CCT4: variants seen among roughly 807,000 people sequenced by gnomAD.
The protein encoded by CCT4 is T-complex protein 1 subunit delta.
CCT4 carries 17 observed loss-of-function variants against 62.5 expected under a neutral mutation model. The ratio of observed to expected loss-of-function variants is 0.27; its 90% CI spans 0.19 to 0.41. The LOEUF (loss-of-function observed/expected upper bound fraction) is 0.41, where lower values mean the gene tolerates loss of function less well. CCT4 is among the 10% of genes least tolerant of loss of function. CCT4 has a pLI of 1.00. For missense variants in CCT4, 592 were observed against 659.2 expected, an observed-to-expected ratio of 0.90 and a Z score of 1.12; for synonymous variants, 250 against 229.9, an observed-to-expected ratio of 1.09 and a Z score of -0.79.
At chr2:61,873,333 A>G in intron 8 of CCT4, 40 bp from the exon 9 acceptor site, 1 of 1,133,450 alleles carries the variant, frequency 8.8e-7, no homozygotes, top group Non-Finnish European at 1.3e-6. Flanking sequence ...TGCTAGATTA[A>G]AAAAATTTTG....
At chr2:61,883,773 G>GACACACACAC (rs59031193) in intron 2 of CCT4, among the ~76,000 whole-genome samples, 134 of 143,932 alleles carry the variant, frequency 9.3e-4, no homozygotes, top group Middle Eastern at 3.4e-3. Flanking sequence ...AAGAAATGTA[G>GACACACACAC]ACACACACAC....
At position 61,868,243 on chromosome 2, in the gene CCT4, AT is replaced by A. The variant is rs2105121659; in HGVS notation, c.*448del. On this transcript the variant is annotated 3_prime_UTR_variant, in exon 14 of 14. Transcript: ENST00000394440. ...TCATTTTTCATTCTCTTTCTGTACC[AT>A]TAACTTATTTTTGTTTTAACTGGGC... is the stretch of plus-strand genomic sequence containing the variant. 1 of 158,144 alleles carries A rather than the reference AT, an allele frequency of 6.3e-6. No homozygotes were observed. Among genetic ancestry groups the A allele is most frequent in the East Asian group, 1.8e-4 (1 of 5,526 alleles). 9.8% of individuals were successfully genotyped at this position (158,144 alleles called of 1,614,324 possible). A position where few individuals can be genotyped will look rare whatever the true frequency, so the allele number is the denominator to read the frequency against.
intron 4 of CCT4, 50 bp from the exon 5 acceptor site, chr2:61,879,061 A>G: frequency 7.1e-7 from 1 of 1,406,600 alleles, no homozygotes; most frequent in Non-Finnish European, 9.7e-7. Context: ...TAAACTACAC[A>G]TTTGACATGG....
chr2:61,873,369 A>C, intron 8 of CCT4, 76 bp from the exon 9 acceptor site: 1 of 680,008 alleles, frequency 1.5e-6, no homozygotes, highest in Non-Finnish European at 2.6e-6. Context: ...TAAGGTTTTA[A>C]TTACTGTTTC....
rs781596389 is a variant in CCT4 at position 61,877,395 on chromosome 2, A to G, written c.642T>C (p.Leu214=). The change falls in exon 6 of 14, where the codon CTT becomes CTC. Residue 214 remains leucine, a splice_region_variant and synonymous_variant. Transcript: ENST00000394440. ...AAGTTGTAATTAGAGATGCTTACCC[A>G]AGCTTCTTAACTATTTTAATATCTC... The part of the protein sequence containing the change: ...DLRDIKIVKK[L]GGTIDDCELV... The G allele has an allele frequency of 6.2e-7, 1 of 1,602,480 alleles. No homozygotes were observed. Among genetic ancestry groups the G allele is most frequent in the South Asian group, 1.1e-5 (1 of 87,672 alleles).
At chr2:61,873,444 T>C (rs1206780854) in intron 8 of CCT4, 151 bp from the exon 9 acceptor site, 1 of 574,802 alleles carries the variant, frequency 1.7e-6, no homozygotes, top group African/African-American at 1.9e-5. Context: ...AAGGTCAAAA[T>C]TAAGATTTCC....
chr2:61,881,414 G>A (rs550981038), intron 3 of CCT4, among the ~76,000 whole-genome samples: 9 of 152,010 alleles, frequency 5.9e-5, no homozygotes, highest in Non-Finnish European at 8.8e-5. Flanking sequence ...GAGCCACTGC[G>A]ACCAGACTGA....
At chr2:61,869,591 G>C (rs774125301) in intron 12 of CCT4, 38 bp from the exon 13 acceptor site, 2 of 1,128,382 alleles carry the variant, frequency 1.8e-6, no homozygotes, top group Non-Finnish European at 1.4e-6. Context: ...TTTAGTGTCT[G>C]TGATAATACA....
intron 3 of CCT4, among the ~76,000 whole-genome samples, chr2:61,881,538 G>A (rs1345227561): frequency 6.6e-6 from 1 of 151,542 alleles, no homozygotes; most frequent in Non-Finnish European, 1.5e-5. Context: ...AATAGTATGT[G>A]GTAATTATAC....
chr2:61,888,545 C>T lies in CCT4; in HGVS notation c.-38G>A, dbSNP rs750142476. On this transcript the variant is annotated 5_prime_UTR_variant, in exon 1 of 14. Transcript: ENST00000394440. Reference sequence around the variant, plus strand: ...TGTGTCTGGGTTGGCTCGGGAAGGACGGATGGACCCGGATTCTGGCCGGCC... The same window carrying T: ...TGTGTCTGGGTTGGCTCGGGAAGGATGGATGGACCCGGATTCTGGCCGGCC... 1.3e-6 allele frequency: 2 copies of T among 1,593,680 alleles called. No individual in the cohort carries two copies. Among genetic ancestry groups the T allele is most frequent in the Admixed American group, 1.7e-5 (1 of 58,388 alleles).
chr2:61,879,115 CTA>C, intron 4 of CCT4, 104 bp from the exon 5 acceptor site: 1 of 775,562 alleles, frequency 1.3e-6, no homozygotes, highest in Non-Finnish European at 2.1e-6. Flanking sequence ...ACAAATTTAA[CTA>C]TTCTTAATTA....
chr2:61,875,293 T>C (rs1668974365), intron 8 of CCT4, among the ~76,000 whole-genome samples: 1 of 150,866 alleles, frequency 6.6e-6, no homozygotes, highest in African/African-American at 2.4e-5. Context: ...AAATTGCTCT[T>C]AGAGGCTGGG....
At chr2:61,880,455 A>G in intron 3 of CCT4, 61 bp from the exon 4 acceptor site, 1 of 838,810 alleles carries the variant, frequency 1.2e-6, no homozygotes, top group African/African-American at 1.7e-5. Context: ...GTAACACCTA[A>G]TTCAAATAAT....
At chr2:61,887,343 T>C (rs1301330440) in intron 1 of CCT4, among the ~76,000 whole-genome samples, 1 of 152,134 alleles carries the variant, frequency 6.6e-6, no homozygotes, top group Non-Finnish European at 1.5e-5. Context: ...TACGTGGGTC[T>C]TTATATGCTT....
chr2:61,870,517 C>A (rs1047582598), intron 12 of CCT4, among the ~76,000 whole-genome samples: 3 of 151,430 alleles, frequency 2.0e-5, no homozygotes, highest in African/African-American at 7.3e-5. Flanking sequence ...TTAAAAAAAT[C>A]TCATCCTACT....
intron 3 of CCT4, 37 bp downstream of exon 3, chr2:61,883,422 A>G (rs747007206): frequency 1.4e-5 from 14 of 1,029,232 alleles, no homozygotes; most frequent in Middle Eastern, 3.1e-4. Flanking sequence ...GTCTCAAAAA[A>G]AAAAAAAAAA....
In CCT4 at chr2:61,872,104, G is replaced by A; in HGVS notation, c.1469C>T (p.Thr490Ile). ...LRNRHAQGEK[T>I]AGINVRKGGI... ...TACCTTTCGGACATTAATGCCTGCAGTTTTTTCTCCCTGGGCATGCCGGTT... is the reference window on the plus strand; with the variant it reads ...TACCTTTCGGACATTAATGCCTGCAATTTTTTCTCCCTGGGCATGCCGGTT... The change falls in exon 12 of 14, where the codon ACT becomes ATT. Residue 490 changes from threonine (T) to isoleucine (I), a missense_variant. Coordinates refer to ENST00000394440, the MANE Select transcript of CCT4 (RefSeq NM_006430.4). The A allele has an allele frequency of 6.2e-7, 1 of 1,612,848 alleles. No individual in the cohort carries two copies. The highest frequency in any genetic ancestry group is 1.3e-5 in the African/African-American group (1 of 75,020).
At chr2:61,879,156 GGCTT>G (rs1414772822) in intron 4 of CCT4, 145 bp from the exon 5 acceptor site, 2 of 584,336 alleles carry the variant, frequency 3.4e-6, no homozygotes, top group Non-Finnish European at 5.9e-6. Context: ...GTAATATAGT[GGCTT>G]GAATAACCTG....
intron 12 of CCT4, among the ~76,000 whole-genome samples, 178 bp from the exon 13 acceptor site, chr2:61,869,731 T>C (rs1442540833): frequency 1.3e-5 from 2 of 151,984 alleles, no homozygotes; most frequent in Admixed American, 1.3e-4. Context: ...CAATTAAAAT[T>C]TGGAAAAACT....
Sources: allele counts gnomAD v4.1 joint callset (sites outside exome capture counted in the v4.1 genomes callset), GRCh38; gene constraint gnomAD v4.1.1; transcripts MANE v1.5; gene names NCBI Gene and HGNC (gene_info 2026-07-23, HGNC 2026-07-21).